Variants in MAPK14 observed in about 807,000 individuals in gnomAD.
MAPK14 encodes CSAID-binding protein.
A neutral mutation model predicts 49.6 loss-of-function variants in MAPK14; 16 were observed. That is an observed-to-expected ratio of 0.32 (90% confidence interval 0.22 to 0.49). The LOEUF (loss-of-function observed/expected upper bound fraction) is 0.49. MAPK14 is among the 20% of genes least tolerant of loss of function. The probability of loss-of-function intolerance (pLI) is 0.99; values close to 1 mark genes in which losing one functional copy is unlikely to be tolerated. For synonymous variants in MAPK14, 142 were observed against 158.0 expected (o/e 0.90, Z 0.76); for missense variants, 200 against 441.2 (o/e 0.45, Z 4.90).
chr6:36,108,334 G>A (rs1435803291), intron 11 of MAPK14, 46 bp from the exon 12 acceptor site: 1 of 1,434,598 alleles, frequency 7.0e-7, no homozygotes, highest in African/African-American at 1.4e-5. Context: ...CCAGCAAAGA[G>A]AATAGCCTAA....
Position 36,107,641 on chromosome 6 carries a change from G to T in MAPK14, c.1015+13G>T. 6.5e-7 allele frequency: 1 copy of T among 1,533,794 alleles called. No individual in the cohort carries two copies. The highest frequency in any genetic ancestry group is 2.3e-5 in the East Asian group (1 of 42,998). On this transcript the variant is annotated intron_variant, in intron 11 of 11. Transcript: ENST00000229794. The surrounding 1 kb of genome is among the most constrained non-coding windows in gnomAD (Gnocchi z 4.3). ...GATGAGTGGAAAAGTAAGTCCTAAG[G>T]GTAGGATTAACATCTTGAACCACTA...
rs200616450 is a variant in MAPK14 at position 36,073,686 on chromosome 6, T to C, written c.418-5T>C. On this transcript the variant is annotated splice_region_variant and splice_polypyrimidine_tract_variant and intron_variant, in intron 4 of 11. Coordinates refer to ENST00000229794, the MANE Select transcript of MAPK14 (RefSeq NM_139012.3). The stretch of plus-strand genomic sequence containing the variant: ...AGGTAACTTTGACTTTTTTCTCTTT[T>C]GCAGTATATACATTCAGCTGACATA... 129 of 1,611,298 alleles carry C rather than the reference T, an allele frequency of 8.0e-5. No individual in the cohort carries two copies. In the South Asian group the frequency reaches 1.2e-3, roughly 15 times the overall value.
chr6:36,121,097 A>G, the MAPK14 span, among the ~76,000 whole-genome samples: 1 of 152,048 alleles, frequency 6.6e-6, no homozygotes, highest in African/African-American at 2.4e-5. Context: ...ATGGTATTCC[A>G]GACAGGTCAC....
chr6:36,075,740 T>C, intron 6 of MAPK14, 108 bp from the exon 7 acceptor site: 1 of 1,460,222 alleles, frequency 6.8e-7, no homozygotes, highest in Non-Finnish European at 9.4e-7. Context: ...TATTTTGTTC[T>C]CCTTTTTAAT....
Position 36,073,692 on chromosome 6 carries a change from A to G in MAPK14, c.419A>G (p.Tyr140Cys). 1 of 1,612,268 alleles carries G rather than the reference A, an allele frequency of 6.2e-7. No homozygotes were observed. Among genetic ancestry groups the G allele is most frequent in the Non-Finnish European group, 8.5e-7 (1 of 1,179,106 alleles). The change falls in exon 5 of 12, where the codon TAT becomes TGT. Residue 140 changes from tyrosine to cysteine, a missense_variant and splice_region_variant. By Grantham distance (194) the Tyr-to-Cys change is radical (BLOSUM62 -2). Transcript: ENST00000229794. ...CTTTGACTTTTTTCTCTTTTGCAGT[A>G]TATACATTCAGCTGACATAATTCAC... ...LIYQILRGLK[Y>C]IHSADIIHRD...
intron 10 of MAPK14, among the ~76,000 whole-genome samples, chr6:36,103,355 G>A (rs1765700376): frequency 1.6e-5 from 2 of 123,536 alleles, no homozygotes; most frequent in Non-Finnish European, 3.7e-5. Flanking sequence ...ATTTATTTTG[G>A]TAGTGTCAGG....
intron 1 of MAPK14, among the ~76,000 whole-genome samples, chr6:36,039,000 C>G (rs1457154879): frequency 6.6e-6 from 1 of 152,056 alleles, no homozygotes; most frequent in East Asian, 1.9e-4. Flanking sequence ...ATTCCTCTGC[C>G]TTTTCCCCAT....
the MAPK14 span, among the ~76,000 whole-genome samples, chr6:36,117,103 A>G: frequency 6.6e-6 from 1 of 152,222 alleles, no homozygotes; most frequent in Non-Finnish European, 1.5e-5. Flanking sequence ...AGCCACAGCC[A>G]GGCACTGGTG....
intron 8 of MAPK14, among the ~76,000 whole-genome samples, chr6:36,093,202 T>C (rs535805261): frequency 1.1e-4 from 16 of 152,156 alleles, no homozygotes; most frequent in Non-Finnish European, 2.1e-4. Context: ...ATTGAGTGCA[T>C]TAAAGAATAA....
intron 1 of MAPK14, among the ~76,000 whole-genome samples, chr6:36,036,451 T>C (rs1762754456): frequency 6.6e-6 from 1 of 152,214 alleles, no homozygotes. Context: ...ACTCCCATTT[T>C]GAAAGTAGTT....
chr6:36,117,341 C>T, the MAPK14 span, among the ~76,000 whole-genome samples: 27 of 152,364 alleles, frequency 1.8e-4, no homozygotes, highest in African/African-American at 5.5e-4. Flanking sequence ...GACAAAGTCA[C>T]TGTGTGCTCT....
chr6:36,086,891 C>A (rs1765007832), intron 8 of MAPK14, among the ~76,000 whole-genome samples: 1 of 152,194 alleles, frequency 6.6e-6, no homozygotes, highest in Non-Finnish European at 1.5e-5. Context: ...CAAAAATCCT[C>A]AGTAAAATAC....
intron 2 of MAPK14, among the ~76,000 whole-genome samples, chr6:36,056,662 A>T (rs1763600913): frequency 6.6e-6 from 1 of 152,238 alleles, no homozygotes; most frequent in African/African-American, 2.4e-5. Context: ...TTGCATGTGT[A>T]AATCAGATCT....
At chr6:36,032,482 G>A (rs552780966) in intron 1 of MAPK14, among the ~76,000 whole-genome samples, 1 of 152,316 alleles carries the variant, frequency 6.6e-6, no homozygotes, top group South Asian at 2.1e-4. Context: ...TTTGTGGTGA[G>A]TTTAAGGAAA....
the MAPK14 span, among the ~76,000 whole-genome samples, chr6:36,122,396 G>A: frequency 6.6e-6 from 1 of 152,200 alleles, no homozygotes; most frequent in Non-Finnish European, 1.5e-5. Context: ...AGGCACGAAG[G>A]TGAGTTGGGC....
chr6:36,051,401 C>T (rs1253671423), intron 1 of MAPK14, among the ~76,000 whole-genome samples: 1 of 152,146 alleles, frequency 6.6e-6, no homozygotes, highest in Non-Finnish European at 1.5e-5. Context: ...AGCCACTGTG[C>T]CTGGCGACGA....
At position 36,079,817 on chromosome 6, in the gene MAPK14, A is replaced by T. The variant is rs1302347816; in HGVS notation, c.682+3209A>T. Among the ~76,000 whole-genome samples the T allele has an allele frequency of 7.2e-5, 11 of 152,368 alleles. No individual in the cohort carries two copies. The East Asian group carries it at 1.9e-3, about 27-fold the overall frequency. On this transcript the variant is annotated intron_variant, in intron 8 of 11. Coordinates refer to ENST00000229794, the MANE Select transcript of MAPK14 (RefSeq NM_139012.3). ...AGCTGCCTGTGGCTAATTATTAAGC[A>T]ACTGAAATGCAGCTAGTGGTGAGCA...
Position 36,108,841 on chromosome 6 carries a change from C to T in MAPK14, c.*394C>T, listed in dbSNP as rs1444050317. Reference sequence around the variant, plus strand: ...TGCCACTTTGGCTTCTCCTGTGACCCCACCTTGACGGTGGGGCGTAGACTT... The same window carrying T: ...TGCCACTTTGGCTTCTCCTGTGACCTCACCTTGACGGTGGGGCGTAGACTT... On this transcript the variant is annotated 3_prime_UTR_variant, in exon 12 of 12. Coordinates refer to ENST00000229794, the MANE Select transcript of MAPK14 (RefSeq NM_139012.3). 8.9e-6 allele frequency: 2 copies of T among 223,600 alleles called. No homozygotes were observed. Among genetic ancestry groups the T allele is most frequent in the East Asian group, 2.5e-4 (2 of 8,032 alleles). 13.9% of individuals were successfully genotyped at this position (223,600 alleles called of 1,614,324 possible).
intron 1 of MAPK14, among the ~76,000 whole-genome samples, chr6:36,031,515 C>A (rs1012413349): frequency 2.0e-5 from 3 of 152,154 alleles, no homozygotes; most frequent in African/African-American, 7.2e-5. Context: ...AAGCGATTCT[C>A]CTGCCTTAGG....
Sources: allele counts gnomAD v4.1 joint callset (sites outside exome capture counted in the v4.1 genomes callset), GRCh38; gene constraint gnomAD v4.1.1; non-coding constraint Gnocchi (gnomAD v3.1); transcripts MANE v1.5; gene names NCBI Gene and HGNC (gene_info 2026-07-23, HGNC 2026-07-21).